The following DNAJC15 variants were observed in gnomAD, a reference collection of about 807,000 sequenced individuals.
The protein encoded by DNAJC15 is dnaJ homolog subfamily C member 15.
DNAJC15 carries 27 observed loss-of-function variants against 22.4 expected under a neutral mutation model. The observed-to-expected ratio is 1.20, with a 90% CI of 0.89 to 1.66. The LOEUF (loss-of-function observed/expected upper bound fraction) is 1.66. Among genes scored for constraint, DNAJC15 ranks in the 40% most tolerant of loss-of-function variants. The probability of loss-of-function intolerance (pLI) is 0.00; values close to 1 mark genes in which losing one functional copy is unlikely to be tolerated. For missense variants in DNAJC15, 208 were observed against 187.1 expected (o/e 1.11, Z -0.65); for synonymous variants, 79 against 63.2 (o/e 1.25, Z -1.19).
At position 43,065,687 on chromosome 13, in the gene DNAJC15, TAAGA is replaced by T. The variant is rs1377307467; in HGVS notation, c.112_115del (p.Arg38ValfsTer2). On this transcript the variant is annotated frameshift_variant and splice_region_variant, in exon 2 of 6. Coordinates refer to ENST00000379221, the MANE Select transcript of DNAJC15 (RefSeq NM_013238.3). LOFTEE classifies it high-confidence loss of function. The stretch of plus-strand genomic sequence containing the variant: ...TAATATTCATTTTTTCTTCCATAGG[TAAGA>T]AGTTTGATAGCTGTAGGACTGGGTG... The T allele has an allele frequency of 9.9e-6, 16 of 1,612,554 alleles. No homozygotes were observed. Among genetic ancestry groups the T allele is most frequent in the Non-Finnish European group, 1.3e-5 (15 of 1,179,224 alleles).
chr13:43,077,763 A>G (rs1379346738), intron 3 of DNAJC15, among the ~76,000 whole-genome samples: 1 of 152,178 alleles, frequency 6.6e-6, no homozygotes, highest in Non-Finnish European at 1.5e-5. Flanking sequence ...CCTCAACATC[A>G]TTCTTAATTT....
At chr13:43,066,748 G>C (rs1304171523) in intron 2 of DNAJC15, among the ~76,000 whole-genome samples, 1 of 151,978 alleles carries the variant, frequency 6.6e-6, no homozygotes, top group Non-Finnish European at 1.5e-5. Flanking sequence ...TCAGCCTCCC[G>C]AGTAGCTGGG....
In DNAJC15 at chr13:43,107,980, AC is replaced by A. The variant is rs1401048096; in HGVS notation, c.*736del. On this transcript the variant is annotated 3_prime_UTR_variant, in exon 6 of 6. Coordinates refer to ENST00000379221, the MANE Select transcript of DNAJC15 (RefSeq NM_013238.3). ...TTACTCATTCTACAAATATTTATTGACCCCTTTTGATGTGCAAGGCACTATC... is the reference window on the plus strand; with the variant it reads ...TTACTCATTCTACAAATATTTATTGACCCTTTTGATGTGCAAGGCACTATC... 1.3e-5 allele frequency: 2 copies of A among 152,520 alleles called. No individual in the cohort carries two copies. The highest frequency in any genetic ancestry group is 3.9e-4 in the East Asian group (2 of 5,188). 9.4% of individuals were successfully genotyped at this position (152,520 alleles called of 1,614,324 possible). A position where few individuals can be genotyped will look rare whatever the true frequency, so the allele number is the denominator to read the frequency against.
chr13:43,042,756 C>T (rs1263157964), intron 1 of DNAJC15, among the ~76,000 whole-genome samples: 1 of 152,186 alleles, frequency 6.6e-6, no homozygotes, highest in African/African-American at 2.4e-5. Context: ...CAATTTTGTT[C>T]TTAAATCCTT....
At position 43,023,655 on chromosome 13, in the gene DNAJC15, T is replaced by G. The variant is rs373664935; in HGVS notation, c.29T>G (p.Val10Gly). 6.2e-7 allele frequency: 1 copy of G among 1,612,534 alleles called. No homozygotes were observed. Among genetic ancestry groups the G allele is most frequent in the Non-Finnish European group, 8.5e-7 (1 of 1,179,438 alleles). Reference sequence around the variant, plus strand: ...GCTGCCCGTGGTGTCATCGCTCCAGTTGGCGAGAGTTTGCGCTACGCTGAG... The same window carrying G: ...GCTGCCCGTGGTGTCATCGCTCCAGGTGGCGAGAGTTTGCGCTACGCTGAG... The part of the protein sequence containing the change: MAARGVIAP[V>G]GESLRYAEYL... The change falls in exon 1 of 6, where the codon GTT becomes GGT. Residue 10 changes from valine to glycine, a missense_variant. Val to Gly is a moderately radical substitution (Grantham distance 109, BLOSUM62 -3). Transcript: ENST00000379221.
In DNAJC15 at chr13:43,110,558, T is replaced by G. The variant is rs941564588; in HGVS notation, c.*3310T>G. The G allele has an allele frequency of 1.3e-5, 2 of 152,164 alleles. No homozygotes were observed. The highest frequency in any genetic ancestry group is 1.3e-4 in the Admixed American group (2 of 15,274). 9.4% of individuals were successfully genotyped at this position (152,164 alleles called of 1,614,324 possible). On this transcript the variant is annotated 3_prime_UTR_variant, in exon 6 of 6. Transcript: ENST00000379221. ...TACTTGAAATATAAGCCCAGAAAGT[T>G]TCAGATAATAAATACAACTATTTTT... is the stretch of plus-strand genomic sequence containing the variant.
rs1304538595 is a variant in DNAJC15 at position 43,113,668 on chromosome 13, A to G, written c.*6420A>G. ...AGCTAACTCAGTGATCTTTCCATTT[A>G]TCTATTCTTGGATTAGTGGTGCCTT... On this transcript the variant is annotated 3_prime_UTR_variant, in exon 6 of 6. Coordinates refer to ENST00000379221, the MANE Select transcript of DNAJC15 (RefSeq NM_013238.3). The G allele has an allele frequency of 6.6e-6, 1 of 152,236 alleles. No individual in the cohort carries two copies. The highest frequency in any genetic ancestry group is 1.5e-5 in the Non-Finnish European group (1 of 68,034). 9.4% of individuals were successfully genotyped at this position (152,236 alleles called of 1,614,324 possible).
chr13:43,077,809 G>A (rs1051404582), intron 3 of DNAJC15, among the ~76,000 whole-genome samples: 2 of 152,084 alleles, frequency 1.3e-5, no homozygotes, highest in Non-Finnish European at 2.9e-5. Context: ...ATCCATCAAG[G>A]AAATGTTAGT....
rs1382259289 is a variant in DNAJC15 at position 43,107,601 on chromosome 13, T to C, written c.*353T>C. ...GAATGCAATTGGGATTTGTGAGCAA[T>C]GAGTAGACCTCTTATTGTTTATATT... On this transcript the variant is annotated 3_prime_UTR_variant, in exon 6 of 6. Coordinates refer to ENST00000379221, the MANE Select transcript of DNAJC15 (RefSeq NM_013238.3). 2 of 161,950 alleles carry C rather than the reference T, an allele frequency of 1.2e-5. No individual in the cohort carries two copies. Among genetic ancestry groups the C allele is most frequent in the African/African-American group, 4.8e-5 (2 of 41,724 alleles). The allele number at this position is 161,950 out of a possible 1,614,324, so 10.0% of individuals were successfully genotyped here.
chr13:43,077,266 T>C (rs2040637827), intron 3 of DNAJC15, among the ~76,000 whole-genome samples: 1 of 152,230 alleles, frequency 6.6e-6, no homozygotes, highest in Non-Finnish European at 1.5e-5. Context: ...GCCAGAAACC[T>C]TGAAGTCATT....
intron 1 of DNAJC15, among the ~76,000 whole-genome samples, chr13:43,064,564 A>G (rs529987269): frequency 6.6e-6 from 1 of 152,320 alleles, no homozygotes; most frequent in East Asian, 1.9e-4. Context: ...TCACTTCTTA[A>G]TTTTGTATCC....
At chr13:43,060,005 T>G (rs1448094655) in intron 1 of DNAJC15, among the ~76,000 whole-genome samples, 2 of 152,222 alleles carry the variant, frequency 1.3e-5, no homozygotes, top group African/African-American at 4.8e-5. Flanking sequence ...CTATTTTCAC[T>G]TCTTTTGAGG....
chr13:43,085,159 C>T (rs752077409), intron 4 of DNAJC15, among the ~76,000 whole-genome samples: 3 of 152,158 alleles, frequency 2.0e-5, no homozygotes, highest in East Asian at 1.9e-4. Flanking sequence ...GTCAGGAGTT[C>T]GAGACCAGCC....
At chr13:43,104,870 G>T (rs2040788714) in intron 5 of DNAJC15, among the ~76,000 whole-genome samples, 1 of 150,956 alleles carries the variant, frequency 6.6e-6, no homozygotes, top group African/African-American at 2.4e-5. Flanking sequence ...TTAATTTTTT[G>T]TAGAGACAGA....
chr13:43,107,415 T>A lies in DNAJC15; in HGVS notation c.*167T>A. ...CAATAAAATGTTAATAGTCTTGCTT[T>A]TTATTATCTTTTAAAGATCTCCTTA... On this transcript the variant is annotated 3_prime_UTR_variant, in exon 6 of 6. Coordinates refer to ENST00000379221, the MANE Select transcript of DNAJC15 (RefSeq NM_013238.3). 1 of 447,352 alleles carries A rather than the reference T, an allele frequency of 2.2e-6. No homozygotes were observed. Among genetic ancestry groups the A allele is most frequent in the East Asian group, 3.8e-5 (1 of 26,356 alleles). The allele number at this position is 447,352 out of a possible 1,614,324, so 27.7% of individuals were successfully genotyped here.
rs1253823568 is a variant in DNAJC15 at position 43,113,748 on chromosome 13, C to T, written c.*6500C>T. On this transcript the variant is annotated 3_prime_UTR_variant, in exon 6 of 6. Transcript: ENST00000379221. Reference sequence around the variant, plus strand: ...TAAGAGTTGACTGCAGAAGTGTTTACACTTTGGCTTCCATGCCTCTGGAAT... The same window carrying T: ...TAAGAGTTGACTGCAGAAGTGTTTATACTTTGGCTTCCATGCCTCTGGAAT... The T allele has an allele frequency of 1.3e-5, 2 of 152,178 alleles. No homozygotes were observed. Among genetic ancestry groups the T allele is most frequent in the African/African-American group, 4.8e-5 (2 of 41,440 alleles). 9.4% of individuals were successfully genotyped at this position (152,178 alleles called of 1,614,324 possible).
intron 1 of DNAJC15, among the ~76,000 whole-genome samples, chr13:43,042,924 C>T (rs934702400): frequency 2.6e-5 from 4 of 152,110 alleles, no homozygotes; most frequent in Non-Finnish European, 5.9e-5. Context: ...ATAAAATTAA[C>T]TGTCACCATG....
At chr13:43,078,480 T>TC (rs1164448843) in intron 3 of DNAJC15, 132 bp from the exon 4 acceptor site, 4 of 568,526 alleles carry the variant, frequency 7.0e-6, no homozygotes, top group South Asian at 3.7e-5. Flanking sequence ...GTTTGGTGCT[T>TC]CCCCCCGCCC....
In DNAJC15 at chr13:43,111,223, T is replaced by C. The variant is rs1031835412; in HGVS notation, c.*3975T>C. 1 of 152,228 alleles carries C rather than the reference T, an allele frequency of 6.6e-6. No individual in the cohort carries two copies. The highest frequency in any genetic ancestry group is 1.5e-5 in the Non-Finnish European group (1 of 68,032). 9.4% of individuals were successfully genotyped at this position (152,228 alleles called of 1,614,324 possible). ...AAAGCACTTTACTTTTTATGAAATA[T>C]ATTTTAGACATTCAGCAAATATTGA... On this transcript the variant is annotated 3_prime_UTR_variant, in exon 6 of 6. Transcript: ENST00000379221.
Sources: allele counts gnomAD v4.1 joint callset (sites outside exome capture counted in the v4.1 genomes callset), GRCh38; gene constraint gnomAD v4.1.1; transcripts MANE v1.5; gene names NCBI Gene and HGNC (gene_info 2026-07-23, HGNC 2026-07-21).